The following PHF23 variants were observed in gnomAD, a reference collection of about 807,000 sequenced individuals.
PHF23 encodes PHD finger protein 23, also known as PDH-containing protein JUNE-1.
A neutral mutation model predicts 36.0 loss-of-function variants in PHF23; 3 were observed. The ratio of observed to expected loss-of-function variants is 0.08; its 90% CI spans 0.04 to 0.22. The LOEUF is 0.22. PHF23 is among the 10% of genes least tolerant of loss of function. The probability of loss-of-function intolerance (pLI) is 1.00; values close to 1 mark genes in which losing one functional copy is unlikely to be tolerated. For missense variants in PHF23, 475 were observed against 513.6 expected (o/e 0.92, Z 0.73); for synonymous variants, 242 against 192.5 (o/e 1.26, Z -2.13).
rs976315095 is a variant in PHF23, at chr17:7,235,187, G to A, written c.*439C>T. On this transcript the variant is annotated 3_prime_UTR_variant, in exon 5 of 5. Coordinates refer to ENST00000320316, the MANE Select transcript of PHF23 (RefSeq NM_024297.3). ...GGCTCTAGTACTCCACCTTTGAGCT[G>A]CCATGCCCAATAGGGGAAGTCCAAA... 5 of 218,926 alleles carry A rather than the reference G, an allele frequency of 2.3e-5. No homozygotes were observed. The highest frequency in any genetic ancestry group is 4.7e-5 in the Non-Finnish European group (5 of 106,204). The allele number at this position is 218,926 out of a possible 1,614,324, so 13.6% of individuals were successfully genotyped here. A position where few individuals can be genotyped will look rare whatever the true frequency, so the allele number is the denominator to read the frequency against.
chr17:7,240,805 CCTCT>C (rs1161357174), upstream of PHF23: 6 of 1,308,606 alleles, frequency 4.6e-6, no homozygotes, highest in South Asian at 2.4e-5. Context: ...AGGGGGGCCA[CCTCT>C]CTCTTTGTAG....
Position 7,236,524 on chromosome 17 carries a change from C to T in PHF23, c.403G>A (p.Asp135Asn). The change falls in exon 4 of 5, where the codon GAC (aspartate) becomes AAC (asparagine). Residue 135 changes from aspartate (D) to asparagine (N), a missense_variant. By Grantham distance (23) the Asp-to-Asn change is conservative. This residue lies in a region of PHF23 where 350 missense variants were observed against 319.8 expected (regional missense o/e 1.09). Coordinates refer to ENST00000320316, the MANE Select transcript of PHF23 (RefSeq NM_024297.3). The surrounding 1 kb of genome is among the most constrained non-coding windows in gnomAD (Gnocchi z 5.1). ...ATLLEKMKLK[D>N]SLFDLDGPKV... ...GGCCCATCCAGATCAAAGAGAGAGT[C>T]CTTGAGCTTCATCTTCTCAAGCAAG... 6.2e-7 allele frequency: 1 copy of T among 1,614,146 alleles called. No homozygotes were observed. The highest frequency in any genetic ancestry group is 8.5e-7 in the Non-Finnish European group (1 of 1,180,016).
rs774234791 is a variant in PHF23, at chr17:7,235,269, A to G, written c.*357T>C. ...AATGGGGAGTGAAATAGAAGAAAAG[A>G]TGAGGGAGGGGAGTGCTAATATTTA... On this transcript the variant is annotated 3_prime_UTR_variant, in exon 5 of 5. Coordinates refer to ENST00000320316, the MANE Select transcript of PHF23 (RefSeq NM_024297.3). The G allele has an allele frequency of 2.8e-4, 80 of 283,106 alleles. No homozygotes were observed. Among genetic ancestry groups the G allele is most frequent in the Non-Finnish European group, 4.9e-4 (72 of 145,562 alleles). 17.5% of individuals were successfully genotyped at this position (283,106 alleles called of 1,614,324 possible). A position where few individuals can be genotyped will look rare whatever the true frequency, so the allele number is the denominator to read the frequency against.
chr17:7,235,883 G>C, intron 4 of PHF23, 43 bp from the exon 5 acceptor site: 2 of 1,613,498 alleles, frequency 1.2e-6, no homozygotes, highest in South Asian at 2.2e-5. Flanking sequence ...CTGAGCTGTT[G>C]GATCCACAAC....
chr17:7,236,677 G>T lies in PHF23; in HGVS notation c.250C>A (p.Leu84Ile). 2 of 1,614,130 alleles carry T rather than the reference G, an allele frequency of 1.2e-6. No homozygotes were observed. The highest frequency in any genetic ancestry group is 1.7e-6 in the Non-Finnish European group (2 of 1,180,030). Residue 84 changes from leucine (L) to isoleucine (I), a missense_variant, in exon 4 of 5, where the codon CTT becomes ATT. Around this residue, in one of 5 missense-constraint regions of PHF23, gnomAD observed 350 missense variants for 319.8 expected, o/e 1.09. Transcript: ENST00000320316. This position sits in a 1 kb window ranked among gnomAD's most constrained non-coding sequence, Gnocchi z 5.1. ...SDGWDSAPSD[L>I]RTIQTFVKKA... ...TTAACAAAAGTCTGGATGGTTCGAA[G>T]ATCTGAGGGGGCCGAGTCCCAGCCA...
chr17:7,235,621 T>C lies in PHF23; in HGVS notation c.*5A>G. 5 of 1,612,276 alleles carry C rather than the reference T, an allele frequency of 3.1e-6. No individual in the cohort carries two copies. The highest frequency in any genetic ancestry group is 4.2e-6 in the Non-Finnish European group (5 of 1,179,934). Reference sequence around the variant, plus strand: ...TTTGGAAGTTCCAGGCTAAAGTTGGTGCCATCAGGGCTCTCCAGATTTGGG... The same window carrying C: ...TTTGGAAGTTCCAGGCTAAAGTTGGCGCCATCAGGGCTCTCCAGATTTGGG... On this transcript the variant is annotated 3_prime_UTR_variant, in exon 5 of 5. Coordinates refer to ENST00000320316, the MANE Select transcript of PHF23 (RefSeq NM_024297.3).
In PHF23 at chr17:7,235,386, T is replaced by A; in HGVS notation, c.*240A>T. On this transcript the variant is annotated 3_prime_UTR_variant, in exon 5 of 5. Transcript: ENST00000320316. ...TGGCAGGTCCAAGAGACAGAGATTA[T>A]GTGTCGGGACACAGACAGCCTCCCA... is the stretch of plus-strand genomic sequence containing the variant. 1 of 540,618 alleles carries A rather than the reference T, an allele frequency of 1.8e-6. No homozygotes were observed. The highest frequency in any genetic ancestry group is 3.2e-5 in the East Asian group (1 of 30,796). The allele number at this position is 540,618 out of a possible 1,614,324, so 33.5% of individuals were successfully genotyped here. A position where few individuals can be genotyped will look rare whatever the true frequency, so the allele number is the denominator to read the frequency against.
chr17:7,237,826 C>T (rs1472145095), intron 1 of PHF23, 166 bp from the exon 2 acceptor site: 1 of 754,720 alleles, frequency 1.3e-6, no homozygotes, highest in Non-Finnish European at 2.1e-6. Flanking sequence ...CCTTCCGCCC[C>T]GCGAGGGGCG....
chr17:7,237,832 G>T (rs978297644), intron 1 of PHF23, 172 bp from the exon 2 acceptor site: 5 of 737,100 alleles, frequency 6.8e-6, no homozygotes, highest in Non-Finnish European at 1.1e-5. Context: ...GCCCCGCGAG[G>T]GGCGGAGCCT....
At chr17:7,238,638 A>ACCCCCCCCCCCCCCC in intron 1 of PHF23, 1 of 339,122 alleles carries the variant, frequency 2.9e-6, no homozygotes, top group Non-Finnish European at 3.3e-6. Context: ...GCCGGTCTTA[A>ACCCCCCCCCCCCCCC]CCCCCCCCAC....
At position 7,236,744 on chromosome 17, in the gene PHF23, G is replaced by A. The variant is rs371010879; in HGVS notation, c.183C>T (p.Gly61=). 66 of 1,612,424 alleles carry A rather than the reference G, an allele frequency of 4.1e-5. No individual in the cohort carries two copies. The South Asian group carries it at 6.5e-4, about 16-fold the overall frequency. The change falls in exon 4 of 5, where the codon GGC becomes GGT. Residue 61 remains glycine (G), a synonymous_variant. Transcript: ENST00000320316. This position sits in a 1 kb window ranked among gnomAD's most constrained non-coding sequence, Gnocchi z 5.1. ...TCTCTCCTCGCAATGGAGAGCTGGAGCCAGAGGCTGGCCAGTCACTTTCCT... is the reference window on the plus strand; with the variant it reads ...TCTCTCCTCGCAATGGAGAGCTGGAACCAGAGGCTGGCCAGTCACTTTCCT... ...SKEESDWPAS[G]SSSPLRGESA...
intron 1 of PHF23, chr17:7,238,703 T>C: frequency 2.7e-6 from 3 of 1,124,016 alleles, no homozygotes; most frequent in Non-Finnish European, 3.3e-6. Flanking sequence ...TGGCTCGCTC[T>C]CTCCACAACT....
In PHF23 at chr17:7,235,978, T is replaced by G; in HGVS notation, c.949A>C (p.Ser317Arg). ...TCCATGACCCGCATCTCGCCTTCAC[T>G]GGAGCTGGCATCTCCATCTTGGCTT... is the stretch of plus-strand genomic sequence containing the variant. ...ETSQDGDASSSEGEMRVMDED... is the reference protein window; with the variant it reads ...ETSQDGDASSREGEMRVMDED... Residue 317 changes from serine (S) to arginine (R), a missense_variant, in exon 4 of 5, where the codon AGT (serine) becomes CGT (arginine). By Grantham distance (110) the Ser-to-Arg change is moderately radical (BLOSUM62 -1). Around this residue, in one of 5 missense-constraint regions of PHF23, gnomAD observed 40 missense variants for 111.0 expected, o/e 0.36. Transcript: ENST00000320316. 6.2e-7 allele frequency: 1 copy of G among 1,613,374 alleles called. No individual in the cohort carries two copies.
rs1469712657 is a variant in PHF23 at position 7,236,059 on chromosome 17, G to A, written c.868C>T (p.Pro290Ser). Residue 290 changes from proline (P) to serine (S), a missense_variant, in exon 4 of 5, where the codon CCT (proline) becomes TCT (serine). Physicochemically the swap from Pro to Ser is moderately conservative, Grantham distance 74 (BLOSUM62 -1). This residue lies in a region of PHF23 where 350 missense variants were observed against 319.8 expected (regional missense o/e 1.09). Coordinates refer to ENST00000320316, the MANE Select transcript of PHF23 (RefSeq NM_024297.3). This position sits in a 1 kb window ranked among gnomAD's most constrained non-coding sequence, Gnocchi z 5.1. ...EAPRPPATVH[P>S]EGVPPADSES... ...CTGTCAGCAGGAGGGACTCCTTCAG[G>A]GTGCACTGTGGCAGGGGGCCTAGGA... 1.9e-6 allele frequency: 3 copies of A among 1,613,794 alleles called. No individual in the cohort carries two copies. Among genetic ancestry groups the A allele is most frequent in the Middle Eastern group, 1.6e-4 (1 of 6,082 alleles).
intron 1 of PHF23, 184 bp from the exon 2 acceptor site, chr17:7,237,844 G>A (rs2071703766): frequency 7.4e-6 from 5 of 676,168 alleles, no homozygotes; most frequent in South Asian, 5.7e-5. Flanking sequence ...GCGGAGCCTG[G>A]GCGCGGCGCC....
chr17:7,240,676 T>C, upstream of PHF23: 1 of 581,452 alleles, frequency 1.7e-6, no homozygotes, highest in Non-Finnish European at 3.1e-6. Context: ...AGTTACAAGA[T>C]GCCAACTCCA....
Position 7,236,418 on chromosome 17 carries a change from G to A in PHF23, c.509C>T (p.Ser170Phe), listed in dbSNP as rs906646289. 1 of 1,613,832 alleles carries A rather than the reference G, an allele frequency of 6.2e-7. No homozygotes were observed. The highest frequency in any genetic ancestry group is 8.5e-7 in the Non-Finnish European group (1 of 1,179,964). The change falls in exon 4 of 5, where the codon TCC becomes TTC. Residue 170 changes from serine to phenylalanine, a missense_variant. By Grantham distance (155) the Ser-to-Phe change is radical. Around this residue, in one of 5 missense-constraint regions of PHF23, gnomAD observed 350 missense variants for 319.8 expected, o/e 1.09. Coordinates refer to ENST00000320316, the MANE Select transcript of PHF23 (RefSeq NM_024297.3). The surrounding 1 kb of genome is among the most constrained non-coding windows in gnomAD (Gnocchi z 5.1). Reference sequence around the variant, plus strand: ...AGGAGGATGGGAGAGGTCCCCCTGGGAAAGGGGCACGGGGGTAAGAGCAGC... The same window carrying A: ...AGGAGGATGGGAGAGGTCCCCCTGGAAAAGGGGCACGGGGGTAAGAGCAGC... The part of the protein sequence containing the change: ...PPAALTPVPL[S>F]QGDLSHPPRK...
upstream of PHF23, chr17:7,240,461 TCC>T: frequency 5.7e-6 from 1 of 176,308 alleles, no homozygotes; most frequent in South Asian, 1.0e-4. Flanking sequence ...CCTCCTACCT[TCC>T]CCCCACAATT....
rs374325509 is a variant in PHF23, at chr17:7,235,755, C to T, written c.1083G>A (p.Thr361=). 1.3e-5 allele frequency: 21 copies of T among 1,614,002 alleles called. No individual in the cohort carries two copies. Among genetic ancestry groups the T allele is most frequent in the Non-Finnish European group, 1.7e-5 (20 of 1,180,050 alleles). The change falls in exon 5 of 5, where the codon ACG becomes ACA. Residue 361 remains threonine (T), a synonymous_variant. Transcript: ENST00000320316. ...RPMIECSLCG[T]WIHLSCAKIK... is the part of the protein sequence containing the mutation. Reference sequence around the variant, plus strand: ...TCTTAGCACAGGAGAGGTGGATCCACGTCCCACACAGGCTGCACTCAATCA... The same window carrying T: ...TCTTAGCACAGGAGAGGTGGATCCATGTCCCACACAGGCTGCACTCAATCA...
Sources: allele counts gnomAD v4.1 joint callset, GRCh38; gene constraint gnomAD v4.1.1; regional missense constraint gnomAD v4.1.1; non-coding constraint Gnocchi (gnomAD v3.1); transcripts MANE v1.5; gene names NCBI Gene and HGNC (gene_info 2026-07-23, HGNC 2026-07-21).